MAP4K4: variants seen among roughly 807,000 people sequenced by gnomAD.
The protein encoded by MAP4K4 is mitogen-activated protein kinase kinase kinase kinase 4.
In MAP4K4, 38 loss-of-function variants were observed where a neutral mutation model predicts 189.6. The observed-to-expected ratio is 0.20, with a 90% CI of 0.15 to 0.26. The LOEUF (loss-of-function observed/expected upper bound fraction) is 0.26, where lower values mean the gene tolerates loss of function less well. Among genes scored for constraint, MAP4K4 ranks in the 10% least tolerant of loss-of-function variants. The pLI, the probability that MAP4K4 is intolerant of heterozygous loss-of-function variation, is 1.00. For missense variants in MAP4K4, 1,054 were observed against 1,726.9 expected, an observed-to-expected ratio of 0.61 and a Z score of 6.91; for synonymous variants, 610 against 624.3, an observed-to-expected ratio of 0.98 and a Z score of 0.34.
Position 101,859,733 on chromosome 2 carries a change from C to T in MAP4K4, c.1573C>T (p.Gln525Ter). Residue 525 changes from glutamine to a stop codon, truncating the protein, a stop_gained, in exon 15 of 33, where the codon CAG (glutamine) becomes TAG (stop). Coordinates refer to ENST00000324219, the Ensembl canonical transcript of MAP4K4. LOFTEE classifies it high-confidence loss of function. Reference sequence around the variant, plus strand: ...AGAACAAGCATATCTCCTGTCTCTACAGCATGACCATAGGAGGCCGCACCC... The same window carrying T: ...AGAACAAGCATATCTCCTGTCTCTATAGCATGACCATAGGAGGCCGCACCC... 1 of 1,612,336 alleles carries T rather than the reference C, an allele frequency of 6.2e-7. No individual in the cohort carries two copies. Among genetic ancestry groups the T allele is most frequent in the Non-Finnish European group, 8.5e-7 (1 of 1,179,374 alleles).
chr2:101,742,477 C>G (rs984101094), intron 2 of MAP4K4, among the ~76,000 whole-genome samples: 2 of 152,144 alleles, frequency 1.3e-5, no homozygotes, highest in African/African-American at 4.8e-5. Flanking sequence ...CTCTCTCAGC[C>G]TCTTTTTGCC....
intron 24 of MAP4K4, 121 bp from the exon 25 acceptor site, chr2:101,873,526 C>A: frequency 1.7e-6 from 1 of 602,144 alleles, no homozygotes; most frequent in South Asian, 1.9e-5. Flanking sequence ...GGGAATGATG[C>A]AAGGCAAATA....
intron 2 of MAP4K4, among the ~76,000 whole-genome samples, chr2:101,727,926 G>A (rs575570362): frequency 1.3e-5 from 2 of 152,246 alleles, no homozygotes; most frequent in African/African-American, 4.8e-5. Context: ...CCGAGATCAC[G>A]CCACCGCACT....
intron 10 of MAP4K4, among the ~76,000 whole-genome samples, chr2:101,840,770 A>T (rs1177313971): frequency 1.3e-5 from 2 of 152,220 alleles, no homozygotes; most frequent in African/African-American, 4.8e-5. Flanking sequence ...GTCAGAGAAG[A>T]AACCAAGAAG....
intron 12 of MAP4K4, among the ~76,000 whole-genome samples, chr2:101,845,765 G>A (rs1180592816): frequency 6.6e-6 from 1 of 152,112 alleles, no homozygotes; most frequent in African/African-American, 2.4e-5. Flanking sequence ...ACTGGCTTCT[G>A]CTGCATACCT....
intron 27 of MAP4K4, among the ~76,000 whole-genome samples, chr2:101,877,933 T>G (rs6718724): frequency 2.9e-4 from 44 of 152,194 alleles, no homozygotes; most frequent in African/African-American, 1.0e-3. Context: ...GTATTTTTAG[T>G]AGAGACAGGG....
Position 101,718,114 on chromosome 2 carries a change from G to C in MAP4K4, c.123+19576G>C, listed in dbSNP as rs566317624. Among the ~76,000 whole-genome samples the C allele has an allele frequency of 4.7e-4, 71 of 152,082 alleles. No homozygotes were observed. In the East Asian group the frequency reaches 0.013, roughly 28 times the overall value. On this transcript the variant is annotated intron_variant, in intron 2 of 32. Coordinates refer to ENST00000324219, the Ensembl canonical transcript of MAP4K4. ...TCTACTAAAAATACAAAATTAGCCG[G>C]GCATGATGGCACATGCCTGTAATCC... is the stretch of plus-strand genomic sequence containing the variant.
intron 12 of MAP4K4, among the ~76,000 whole-genome samples, chr2:101,852,797 C>T (rs760984227): frequency 1.3e-5 from 2 of 152,144 alleles, no homozygotes; most frequent in Non-Finnish European, 2.9e-5. Context: ...CTGCCCCCAG[C>T]AGGTGCAGAT....
chr2:101,829,679 A>C, intron 6 of MAP4K4, 85 bp downstream of exon 6: 2 of 885,360 alleles, frequency 2.3e-6, no homozygotes, highest in Non-Finnish European at 3.7e-6. Context: ...ATCTAGCTAA[A>C]AGTTCAGTCT....
At chr2:101,783,393 T>C (rs949936750) in intron 2 of MAP4K4, among the ~76,000 whole-genome samples, 1 of 152,208 alleles carries the variant, frequency 6.6e-6, no homozygotes, top group Non-Finnish European at 1.5e-5. Context: ...TAATAAATAC[T>C]ATGTAAGTCT....
chr2:101,781,724 C>G (rs986569092), intron 2 of MAP4K4, among the ~76,000 whole-genome samples: 1 of 152,178 alleles, frequency 6.6e-6, no homozygotes, highest in Non-Finnish European at 1.5e-5. Flanking sequence ...TGGGGACATT[C>G]AAACCATAGC....
chr2:101,800,133 A>AT lies in MAP4K4; in HGVS notation c.180+9357_180+9358insT, dbSNP rs200828464. 9.7e-3 allele frequency among the ~76,000 whole-genome samples: 1,474 copies of AT among 151,360 alleles called. 21 individuals are homozygous for AT. The highest frequency in any genetic ancestry group is 0.033 in the African/African-American group (1,366 of 41,032). On this transcript the variant is annotated intron_variant, in intron 3 of 32. Coordinates refer to ENST00000324219, the Ensembl canonical transcript of MAP4K4. The stretch of plus-strand genomic sequence containing the variant: ...TTGTTCTTCTCCTTAAAAAAAAAAA[A>AT]AATAATAATTTTTTGAGACAGGATC...
At chr2:101,878,236 A>T (rs1171119032) in intron 27 of MAP4K4, among the ~76,000 whole-genome samples, 5 of 152,242 alleles carry the variant, frequency 3.3e-5, no homozygotes, top group Non-Finnish European at 4.4e-5. Flanking sequence ...AAGGGAAAAA[A>T]TCTGCATAAA....
intron 2 of MAP4K4, among the ~76,000 whole-genome samples, chr2:101,746,999 G>T (rs931095237): frequency 2.0e-5 from 3 of 152,176 alleles, no homozygotes; most frequent in Non-Finnish European, 4.4e-5. Flanking sequence ...CTCAGATGCA[G>T]GTTGAGGTTG....
intron 28 of MAP4K4, among the ~76,000 whole-genome samples, chr2:101,883,396 A>T (rs973357368): frequency 2.0e-5 from 3 of 151,916 alleles, no homozygotes; most frequent in African/African-American, 4.8e-5. Flanking sequence ...CAATGGTGCG[A>T]TCTCAGCTCA....
At chr2:101,806,793 C>T (rs1233791720) in intron 3 of MAP4K4, among the ~76,000 whole-genome samples, 1 of 152,138 alleles carries the variant, frequency 6.6e-6, no homozygotes, top group Non-Finnish European at 1.5e-5. Context: ...TTATTTTTTC[C>T]TCCTTAAGTT....
chr2:101,870,474 T>G (rs546915728), intron 23 of MAP4K4, 59 bp downstream of exon 23: 1 of 1,599,830 alleles, frequency 6.3e-7, no homozygotes, highest in South Asian at 1.1e-5. Context: ...TTAACCCACT[T>G]GCTCATTCAC....
At chr2:101,866,558 G>T (rs776570846) in exon 19 of MAP4K4, 1 of 1,613,340 alleles carries the variant, frequency 6.2e-7, no homozygotes. Flanking sequence ...GAGTGGCTCC[G>T]GGGAACGCTT....
At chr2:101,843,018 T>C (rs1009427943) in intron 11 of MAP4K4, among the ~76,000 whole-genome samples, 5 of 152,176 alleles carry the variant, frequency 3.3e-5, no homozygotes, top group African/African-American at 1.2e-4. Flanking sequence ...TCTTGTGGTA[T>C]ATAGAACATG....
Sources: gnomAD v4.1 joint callset for allele counts (sites outside exome capture counted in the v4.1 genomes callset) on GRCh38, gnomAD v4.1.1 for gene constraint, MANE v1.5 for transcripts, NCBI Gene and HGNC (gene_info 2026-07-23, HGNC 2026-07-21) for gene names.